The following RARB variants were observed in gnomAD, a reference collection of about 807,000 sequenced individuals.
The protein encoded by RARB is HBV-activated protein.
A neutral mutation model predicts 51.9 loss-of-function variants in RARB; 17 were observed. That is an observed-to-expected ratio of 0.33 (90% CI 0.22 to 0.49). RARB has a LOEUF of 0.49. RARB is among the 20% of genes least tolerant of loss of function. The probability of loss-of-function intolerance (pLI) is 0.99; values close to 1 mark genes in which losing one functional copy is unlikely to be tolerated. For synonymous variants in RARB, 215 were observed against 195.4 expected (o/e 1.10, Z -0.84); for missense variants, 369 against 550.8 (o/e 0.67, Z 3.30).
intron 5 of RARB, among the ~76,000 whole-genome samples, chr3:25,264,442 T>A (rs1247327361): frequency 6.6e-6 from 1 of 152,144 alleles, no homozygotes. Context: ...TTCAGTGAAT[T>A]TGGTCTTTCT....
At chr3:25,224,207 A>G (rs1702006694) in intron 5 of RARB, among the ~76,000 whole-genome samples, 1 of 152,250 alleles carries the variant, frequency 6.6e-6, no homozygotes, top group East Asian at 1.9e-4. Context: ...CCCAACAAAC[A>G]AGCAGTTAAT....
upstream of RARB, among the ~76,000 whole-genome samples, chr3:25,423,913 A>T (rs1707922206): frequency 6.6e-6 from 1 of 152,228 alleles, no homozygotes. Context: ...TTTAACTTTC[A>T]AGTTGGAACC....
At chr3:25,203,874 T>G (rs959754900) in intron 5 of RARB, among the ~76,000 whole-genome samples, 1 of 152,200 alleles carries the variant, frequency 6.6e-6, no homozygotes, top group Non-Finnish European at 1.5e-5. Context: ...ATTTTTTCCT[T>G]CATTTCAATT....
intron 5 of RARB, among the ~76,000 whole-genome samples, chr3:25,290,499 G>A (rs369313196): frequency 1.4e-4 from 21 of 152,264 alleles, no homozygotes; most frequent in African/African-American, 4.8e-4. Flanking sequence ...GGCAGCCCTA[G>A]CAAACTAATC....
intron 4 of RARB, among the ~76,000 whole-genome samples, chr3:25,146,905 C>T (rs1451427278): frequency 6.6e-6 from 1 of 152,100 alleles, no homozygotes; most frequent in African/African-American, 2.4e-5. Flanking sequence ...TACCAGAGAC[C>T]CTTCCTTTGA....
intron 5 of RARB, among the ~76,000 whole-genome samples, chr3:25,210,077 T>C (rs1405370281): frequency 6.6e-6 from 1 of 152,210 alleles, no homozygotes; most frequent in Non-Finnish European, 1.5e-5. Flanking sequence ...TTCTATTTTC[T>C]GGAGATGAGG....
chr3:24,975,926 C>T (rs1559418385), intron 2 of RARB, among the ~76,000 whole-genome samples: 1 of 152,180 alleles, frequency 6.6e-6, no homozygotes, highest in Non-Finnish European at 1.5e-5. Flanking sequence ...CCTAGCCCTC[C>T]ACCCAACAAC....
At chr3:25,000,520 G>A (rs542028255) in intron 2 of RARB, among the ~76,000 whole-genome samples, 9 of 152,072 alleles carry the variant, frequency 5.9e-5, no homozygotes, top group Admixed American at 2.6e-4. Context: ...TTTGACCTGC[G>A]AGGCTGATTT....
chr3:24,861,883 C>G (rs1355406985), intron 2 of RARB, among the ~76,000 whole-genome samples: 1 of 152,140 alleles, frequency 6.6e-6, no homozygotes, highest in East Asian at 1.9e-4. Context: ...ACCAGGGCTC[C>G]CTGGATCACA....
At chr3:25,345,324 G>A (rs191599292) in intron 5 of RARB, among the ~76,000 whole-genome samples, 82 of 152,078 alleles carry the variant, frequency 5.4e-4, no homozygotes, top group Non-Finnish European at 9.3e-4. Context: ...TTTCCTTTTC[G>A]GCTGTTGTGC....
exon 5 of RARB, chr3:25,174,556 C>T (rs750523929): frequency 1.5e-6 from 2 of 1,352,124 alleles, no homozygotes; most frequent in South Asian, 2.3e-5. Flanking sequence ...CGAGTGGATG[C>T]AGCACCCCGT....
intron 4 of RARB, among the ~76,000 whole-genome samples, chr3:25,577,929 A>G (rs1267170922): frequency 6.6e-6 from 1 of 152,242 alleles, no homozygotes; most frequent in African/African-American, 2.4e-5. Context: ...CCCCTGCCGA[A>G]GAGGGGACCT....
intron 2 of RARB, among the ~76,000 whole-genome samples, chr3:24,900,935 C>T (rs1044036842): frequency 3.3e-5 from 5 of 152,098 alleles, no homozygotes; most frequent in East Asian, 1.9e-4. Context: ...TGCATACATA[C>T]AAGATTCATT....
chr3:25,564,191 G>A (rs1199607730), intron 3 of RARB, among the ~76,000 whole-genome samples: 4 of 152,178 alleles, frequency 2.6e-5, no homozygotes, highest in South Asian at 2.1e-4. Flanking sequence ...TTCATAGGTC[G>A]AGATCCGTAC....
At chr3:24,941,281 A>T (rs924101676) in intron 2 of RARB, among the ~76,000 whole-genome samples, 2 of 152,116 alleles carry the variant, frequency 1.3e-5, no homozygotes, top group African/African-American at 4.8e-5. Context: ...TGGGTTGACA[A>T]TTTTTACTAC....
chr3:25,123,197 G>A (rs1277640796), intron 3 of RARB, among the ~76,000 whole-genome samples: 1 of 152,156 alleles, frequency 6.6e-6, no homozygotes, highest in Non-Finnish European at 1.5e-5. Flanking sequence ...TTCATTGACA[G>A]GTTTGTCTGT....
intron 2 of RARB, among the ~76,000 whole-genome samples, chr3:25,003,327 C>T (rs1697206390): frequency 6.6e-6 from 1 of 152,072 alleles, no homozygotes; most frequent in Non-Finnish European, 1.5e-5. Flanking sequence ...AGGGAGAGCT[C>T]AGCATGTCAG....
At chr3:24,881,646 C>T (rs181466887) in intron 2 of RARB, among the ~76,000 whole-genome samples, 1 of 152,206 alleles carries the variant, frequency 6.6e-6, no homozygotes, top group Admixed American at 6.5e-5. Context: ...TTAAAAGTTA[C>T]TGGAATCCAG....
chr3:25,196,296 C>T (rs1701234183), intron 5 of RARB, among the ~76,000 whole-genome samples: 1 of 152,026 alleles, frequency 6.6e-6, no homozygotes, highest in South Asian at 2.1e-4. Context: ...GTTCAGTTCC[C>T]ACCTATGAGT....
Sources: allele counts gnomAD v4.1 joint callset (sites outside exome capture counted in the v4.1 genomes callset), GRCh38; gene constraint gnomAD v4.1.1; transcripts MANE v1.5; gene names NCBI Gene and HGNC (gene_info 2026-07-23, HGNC 2026-07-21).